The following WLS variants were observed in gnomAD, a reference collection of about 807,000 sequenced individuals.
The protein encoded by WLS is protein wntless homolog.
In WLS, 23 loss-of-function variants were observed where a neutral mutation model predicts 62.8. That is an observed-to-expected ratio of 0.37 (90% CI 0.26 to 0.52). The LOEUF is 0.52. WLS is among the 20% of genes least tolerant of loss of function. The pLI is 0.92. For missense variants in WLS, 615 were observed against 697.3 expected (o/e 0.88, Z 1.33); for synonymous variants, 246 against 244.1 (o/e 1.01, Z -0.07).
chr1:68,102,460 G>A (rs1310690269), intron 11 of WLS, among the ~76,000 whole-genome samples: 1 of 152,048 alleles, frequency 6.6e-6, no homozygotes, highest in Non-Finnish European at 1.5e-5. Flanking sequence ...TTGATTTGAG[G>A]CATGCATCTG....
At chr1:68,103,976 G>T (rs530101934) in intron 11 of WLS, among the ~76,000 whole-genome samples, 290 of 152,214 alleles carry the variant, frequency 1.9e-3, no homozygotes, top group African/African-American at 6.7e-3. Context: ...GCTCACAGAG[G>T]TTTCTTCATA....
At chr1:68,135,282 C>T (rs1467324056) in intron 11 of WLS, among the ~76,000 whole-genome samples, 4 of 147,668 alleles carry the variant, frequency 2.7e-5, no homozygotes, top group African/African-American at 1.0e-4. Flanking sequence ...TCTGGGACTA[C>T]AGGTGCACAC....
At chr1:68,193,859 A>G in intron 2 of WLS, 96 bp downstream of exon 2, 1 of 1,479,538 alleles carries the variant, frequency 6.8e-7, no homozygotes, top group South Asian at 1.3e-5. Flanking sequence ...TGCTATTACT[A>G]TTACCATTTT....
chr1:68,196,724 G>T (rs1019145057), intron 1 of WLS, among the ~76,000 whole-genome samples: 1 of 152,176 alleles, frequency 6.6e-6, no homozygotes, highest in East Asian at 1.9e-4. Context: ...CATGTAGAAG[G>T]CTGAACACTG....
intron 1 of WLS, among the ~76,000 whole-genome samples, chr1:68,208,828 T>C (rs929971777): frequency 6.6e-6 from 1 of 152,260 alleles, no homozygotes; most frequent in African/African-American, 2.4e-5. Flanking sequence ...TAGAAAGGCG[T>C]GTTAGGAGTG....
At chr1:68,153,445 C>T in intron 5 of WLS, 72 bp downstream of exon 5, 1 of 1,596,164 alleles carries the variant, frequency 6.3e-7, no homozygotes, top group African/African-American at 1.3e-5. Flanking sequence ...AACTGGACAC[C>T]AGCAAAAGCA....
intron 2 of WLS, among the ~76,000 whole-genome samples, chr1:68,171,537 T>C (rs572929501): frequency 1.1e-4 from 17 of 152,152 alleles, no homozygotes; most frequent in Non-Finnish European, 2.1e-4. Context: ...AAGAAGATTC[T>C]AATGCAGCCA....
intron 2 of WLS, among the ~76,000 whole-genome samples, chr1:68,185,470 T>C (rs1647873423): frequency 1.3e-5 from 2 of 152,126 alleles, no homozygotes; most frequent in African/African-American, 2.4e-5. Context: ...AGCCATATAG[T>C]AGGGGGTAAG....
intron 1 of WLS, chr1:68,202,480 C>G (rs1389419573): frequency 6.6e-6 from 1 of 152,184 alleles, no homozygotes; most frequent in African/African-American, 2.4e-5. Context: ...ACGAATTTCT[C>G]TATCCCTGAA....
chr1:68,114,579 C>T lies in WLS; in HGVS notation c.1511-15826G>A, dbSNP rs185912636. On this transcript the variant is annotated intron_variant, in intron 11 of 11. Coordinates refer to the WLS transcript ENST00000354777. ...AAATTGAGGCACAGAGCTGGCTCCT[C>T]GTTTTAATCCGTTTCATGCTAAATG... 2.6e-3 allele frequency among the ~76,000 whole-genome samples: 390 copies of T among 152,294 alleles called. 2 individuals carry two copies. The highest frequency in any genetic ancestry group is 8.6e-3 in the African/African-American group (356 of 41,556).
chr1:68,193,931 G>C (rs1157638857), intron 2 of WLS, 24 bp downstream of exon 2: 1 of 1,602,118 alleles, frequency 6.2e-7, no homozygotes, highest in South Asian at 1.1e-5. Context: ...GGGAAGAAAG[G>C]GATGAGAGGA....
chr1:68,163,909 CAGAT>C (rs987423513), intron 2 of WLS, among the ~76,000 whole-genome samples: 10 of 152,248 alleles, frequency 6.6e-5, no homozygotes, highest in South Asian at 2.1e-4. Flanking sequence ...ACAAGGGAAA[CAGAT>C]AGGAATAACT....
chr1:68,109,838 C>T (rs1472550533), intron 11 of WLS, among the ~76,000 whole-genome samples: 1 of 151,664 alleles, frequency 6.6e-6, no homozygotes, highest in Non-Finnish European at 1.5e-5. Flanking sequence ...TATAAACCCA[C>T]AAGAATGGGC....
intron 3 of WLS, among the ~76,000 whole-genome samples, chr1:68,156,597 C>CT (rs2100490217): frequency 6.6e-6 from 1 of 152,282 alleles, no homozygotes; most frequent in East Asian, 1.9e-4. Flanking sequence ...GCACACATAA[C>CT]CAATCAGTCG....
chr1:68,220,289 C>T (rs983225349), intron 1 of WLS, among the ~76,000 whole-genome samples: 1 of 152,168 alleles, frequency 6.6e-6, no homozygotes, highest in Non-Finnish European at 1.5e-5. Flanking sequence ...ATTGACCTTA[C>T]GAGACACAAG....
Position 68,126,157 on chromosome 1 carries a change from G to A in WLS, c.*69C>T, listed in dbSNP as rs961290203. On this transcript the variant is annotated 3_prime_UTR_variant, in exon 12 of 12. Coordinates refer to ENST00000262348, the MANE Select transcript of WLS (RefSeq NM_024911.7). ...TCATTTGTACATTGAGCTCTCTCTG[G>A]CATGCTCCCCACTCTAGTTAGAGGG... 6.3e-6 allele frequency: 10 copies of A among 1,588,296 alleles called. No individual in the cohort carries two copies. The South Asian group carries it at 9.2e-5, about 15-fold the overall frequency.
chr1:68,173,329 T>C (rs1647182228), intron 2 of WLS, among the ~76,000 whole-genome samples: 1 of 152,104 alleles, frequency 6.6e-6, no homozygotes, highest in South Asian at 2.1e-4. Context: ...GTGGGTTTCT[T>C]TGCTTTCTCT....
chr1:68,198,384 T>C (rs1034617280), intron 1 of WLS, among the ~76,000 whole-genome samples: 7 of 152,214 alleles, frequency 4.6e-5, no homozygotes, highest in African/African-American at 1.4e-4. Context: ...TGTATTTCAA[T>C]ACAGTATTTT....
chr1:68,098,842 T>C, intron 11 of WLS: 1 of 1,466,944 alleles, frequency 6.8e-7, no homozygotes, highest in Non-Finnish European at 9.0e-7. Flanking sequence ...CTCAGGTAAC[T>C]ATAAAAATTT....
Sources: gnomAD v4.1 joint callset for allele counts (sites outside exome capture counted in the v4.1 genomes callset) on GRCh38, gnomAD v4.1.1 for gene constraint, MANE v1.5 for transcripts, NCBI Gene and HGNC (gene_info 2026-07-23, HGNC 2026-07-21) for gene names.